Variants in DACH2 observed in about 807,000 individuals in gnomAD.
DACH2 encodes dachshund family transcription factor 2.
A neutral mutation model predicts 35.8 loss-of-function variants in DACH2; 17 were observed. The ratio of observed to expected loss-of-function variants is 0.48; its 90% confidence interval spans 0.33 to 0.71. The LOEUF is 0.71. DACH2 is among the 30% of genes least tolerant of loss of function. DACH2 has a pLI of 0.02. For missense variants in DACH2, 469 were observed against 472.7 expected (o/e 0.99, Z 0.07); for synonymous variants, 195 against 177.3 (o/e 1.10, Z -0.79).
At chrX:86,305,052 C>T in intron 1 of DACH2, 1 of 154,671 alleles carries the variant, frequency 6.5e-6, no homozygotes. Context: ...GACAGAAAAG[C>T]AGCCCAAGTA....
chrX:86,524,893 A>G (rs1391988900), intron 3 of DACH2, among the ~76,000 whole-genome samples: 2 of 111,188 alleles, frequency 1.8e-5, no homozygotes, highest in Non-Finnish European at 3.8e-5. Context: ...ATAATAATCT[A>G]TATAGTGCTT....
intron 1 of DACH2, among the ~76,000 whole-genome samples, chrX:86,166,105 T>A (rs764199085): frequency 1.8e-5 from 2 of 111,464 alleles, no homozygotes; most frequent in South Asian, 7.5e-4. Context: ...TTCCCCAGGG[T>A]ATATTTTTGG....
At chrX:86,333,829 A>G (rs1297786794) in intron 1 of DACH2, among the ~76,000 whole-genome samples, 1 of 111,249 alleles carries the variant, frequency 9.0e-6, no homozygotes, top group Non-Finnish European at 1.9e-5. Flanking sequence ...ACATAGCTAT[A>G]CACTTGCCAT....
rs751619091 is a variant in DACH2, at chrX:86,739,616, TA to T, written c.1105-129del. 1.3e-4 allele frequency: 92 copies of T among 704,359 alleles called. No homozygotes were observed. The African/African-American group carries it at 2.0e-3, about 15-fold the overall frequency. The allele number at this position is 704,359 out of a possible 1,213,427, so 58.0% of individuals were successfully genotyped here. A position where few individuals can be genotyped will look rare whatever the true frequency, so the allele number is the denominator to read the frequency against. ...ATATTTTTGTTTAAATATATGTATT[TA>T]AGACCAATTATTGTAGATGTGTACA... On this transcript the variant is annotated intron_variant, in intron 6 of 11. Coordinates refer to ENST00000373125, the MANE Select transcript of DACH2 (RefSeq NM_053281.3).
At chrX:86,781,696 TG>T (rs1206831358) in intron 7 of DACH2, among the ~76,000 whole-genome samples, 1 of 110,884 alleles carries the variant, frequency 9.0e-6, no homozygotes, top group Admixed American at 9.7e-5. Context: ...AATATATATA[TG>T]GGGATTTTAT....
rs999123326 is a variant in DACH2 at position 86,412,233 on chromosome X, G to A, written c.527+35371G>A. 2.7e-5 allele frequency among the ~76,000 whole-genome samples: 3 copies of A among 111,300 alleles called. No individual in the cohort carries two copies. The East Asian group carries it at 8.5e-4, about 32-fold the overall frequency. ...CTCCAGCTGGAACTAAGACCTCTAG[G>A]CCAGGAGAATGTAATGTTGTGGGAA... is the stretch of plus-strand genomic sequence containing the variant. On this transcript the variant is annotated intron_variant, in intron 2 of 11. Coordinates refer to ENST00000373125, the MANE Select transcript of DACH2 (RefSeq NM_053281.3).
intron 7 of DACH2, among the ~76,000 whole-genome samples, chrX:86,752,254 C>T (rs1186027676): frequency 9.0e-6 from 1 of 111,339 alleles, no homozygotes; most frequent in Non-Finnish European, 1.9e-5. Flanking sequence ...TTCTCAACAT[C>T]CTTTCTAATA....
chrX:86,667,541 GAA>G (rs2040702857), intron 4 of DACH2, among the ~76,000 whole-genome samples: 2 of 45,601 alleles, frequency 4.4e-5, no homozygotes, highest in Non-Finnish European at 7.7e-5. Context: ...AAGAAAGAAA[GAA>G]AGAAGAAAGA....
chrX:86,300,757 T>C (rs1341348133), intron 1 of DACH2, among the ~76,000 whole-genome samples: 1 of 112,236 alleles, frequency 8.9e-6, no homozygotes, highest in Non-Finnish European at 1.9e-5. Flanking sequence ...ATTTAAATGC[T>C]CAGTGGCTTT....
intron 3 of DACH2, among the ~76,000 whole-genome samples, chrX:86,600,006 GGAT>G (rs2039769435): frequency 9.0e-6 from 1 of 110,984 alleles, no homozygotes. Context: ...ACAAAACTGG[GGAT>G]GATGAGAAAT....
chrX:86,525,176 A>G (rs899906083), intron 3 of DACH2, among the ~76,000 whole-genome samples: 9 of 111,181 alleles, frequency 8.1e-5, no homozygotes, highest in Admixed American at 5.8e-4. Flanking sequence ...AAATATGCTG[A>G]ACTATCTCTG....
chrX:86,178,894 G>A (rs952144213), intron 1 of DACH2, among the ~76,000 whole-genome samples: 1 of 111,653 alleles, frequency 9.0e-6, no homozygotes, highest in Non-Finnish European at 1.9e-5. Context: ...AGAGCAAATT[G>A]CAGAATAAAA....
At chrX:86,726,780 G>A (rs2041474386) in intron 6 of DACH2, among the ~76,000 whole-genome samples, 1 of 111,906 alleles carries the variant, frequency 8.9e-6, no homozygotes. Flanking sequence ...AAAGTCTGTT[G>A]CAGGAGTGTG....
intron 11 of DACH2, 48 bp downstream of exon 11, chrX:86,816,147 CCTGGGGATGAG>C (rs763784330): frequency 3.1e-5 from 28 of 917,416 alleles, no homozygotes; most frequent in Middle Eastern, 2.9e-4. Flanking sequence ...ATATGTGACC[CCTGGGGATGAG>C]GTGGGGATGA....
chrX:86,309,725 A>T (rs1446332725), intron 1 of DACH2, among the ~76,000 whole-genome samples: 3 of 112,307 alleles, frequency 2.7e-5, no homozygotes, highest in Non-Finnish European at 5.6e-5. Flanking sequence ...AGTAGAGAAT[A>T]AATTGCTGTA....
intron 5 of DACH2, among the ~76,000 whole-genome samples, chrX:86,706,108 G>A (rs949416962): frequency 9.0e-6 from 1 of 110,516 alleles, no homozygotes; most frequent in African/African-American, 3.3e-5. Flanking sequence ...GAGTGTGGCG[G>A]GGTGGGTGAG....
intron 3 of DACH2, among the ~76,000 whole-genome samples, chrX:86,528,813 A>G (rs2038671042): frequency 8.9e-6 from 1 of 112,468 alleles, no homozygotes; most frequent in African/African-American, 3.2e-5. Flanking sequence ...TTTTTAAAAT[A>G]TATTATACTT....
rs375190471 is a variant in DACH2, at chrX:86,439,538, G to A, written c.527+62676G>A. 5.4e-5 allele frequency among the ~76,000 whole-genome samples: 6 copies of A among 111,251 alleles called. No individual in the cohort carries two copies. The East Asian group carries it at 1.1e-3, about 21-fold the overall frequency. On this transcript the variant is annotated intron_variant, in intron 2 of 11. Transcript: ENST00000373125. Reference sequence around the variant, plus strand: ...GTAACTTTATAGCTTTTGGTCTCACGTTTGAATCTTTAATCTATCTTGAGT... The same window carrying A: ...GTAACTTTATAGCTTTTGGTCTCACATTTGAATCTTTAATCTATCTTGAGT...
intron 4 of DACH2, among the ~76,000 whole-genome samples, chrX:86,653,130 A>C (rs889593819): frequency 5.4e-5 from 6 of 111,904 alleles, no homozygotes; most frequent in African/African-American, 2.0e-4. Context: ...GAACGGGTCC[A>C]GTTTCAGTCT....
Sources: gnomAD v4.1 joint callset for allele counts (sites outside exome capture counted in the v4.1 genomes callset) on GRCh38, gnomAD v4.1.1 for gene constraint, MANE v1.5 for transcripts, NCBI Gene and HGNC (gene_info 2026-07-23, HGNC 2026-07-21) for gene names.